The following MCTP1 variants were observed in gnomAD, a reference collection of about 807,000 sequenced individuals.
MCTP1 encodes the protein multiple C2 and transmembrane domain-containing protein 1.
MCTP1 carries 69 observed loss-of-function variants against 120.6 expected under a neutral mutation model. The observed-to-expected ratio is 0.57, with a 90% confidence interval of 0.47 to 0.70. The LOEUF (loss-of-function observed/expected upper bound fraction) is 0.70, where lower values mean the gene tolerates loss of function less well. Ranked by LOEUF, MCTP1 falls within the 30% of genes least tolerant of loss-of-function variation. The pLI, the probability that MCTP1 is intolerant of heterozygous loss-of-function variation, is 0.00. For missense variants in MCTP1, 1,203 were observed against 1,248.8 expected, an observed-to-expected ratio of 0.96 and a Z score of 0.55; for synonymous variants, 529 against 493.1, an observed-to-expected ratio of 1.07 and a Z score of -0.96.
At chr5:94,957,152 T>A (rs1822850036) in intron 2 of MCTP1, among the ~76,000 whole-genome samples, 1 of 152,214 alleles carries the variant, frequency 6.6e-6, no homozygotes, top group Non-Finnish European at 1.5e-5. Context: ...CAGAATTTCA[T>A]ATCCAGCCAA....
At chr5:94,904,077 A>G (rs1806183322) in intron 10 of MCTP1, among the ~76,000 whole-genome samples, 1 of 152,256 alleles carries the variant, frequency 6.6e-6, no homozygotes, top group Non-Finnish European at 1.5e-5. Context: ...CATGCAGATT[A>G]ACATTATTTC....
At chr5:95,169,194 A>T (rs1746867467) in intron 1 of MCTP1, among the ~76,000 whole-genome samples, 2 of 152,226 alleles carry the variant, frequency 1.3e-5, no homozygotes, top group Admixed American at 6.5e-5. Flanking sequence ...ATGCTGGATT[A>T]CATTTATTGA....
At chr5:95,202,958 A>G (rs527301059) in intron 1 of MCTP1, among the ~76,000 whole-genome samples, 2 of 152,106 alleles carry the variant, frequency 1.3e-5, no homozygotes, top group East Asian at 3.9e-4. Context: ...TGAACTCCTG[A>G]CCTCAGGTGA....
At chr5:95,201,080 C>T (rs1750956105) in intron 1 of MCTP1, among the ~76,000 whole-genome samples, 1 of 152,216 alleles carries the variant, frequency 6.6e-6, no homozygotes, top group African/African-American at 2.4e-5. Context: ...GAATTGGAAT[C>T]TCCTGCACTG....
chr5:94,944,760 A>G (rs1818531825), intron 3 of MCTP1, among the ~76,000 whole-genome samples: 1 of 152,200 alleles, frequency 6.6e-6, no homozygotes, highest in Admixed American at 6.5e-5. Flanking sequence ...AAACACTAGA[A>G]TCCATGCATT....
intron 1 of MCTP1, among the ~76,000 whole-genome samples, chr5:95,036,980 C>T (rs1841443888): frequency 1.3e-5 from 2 of 152,070 alleles, no homozygotes; most frequent in Non-Finnish European, 2.9e-5. Flanking sequence ...TTACAGAAAA[C>T]ACAGAAAGAT....
chr5:94,772,743 T>C (rs897401235), intron 19 of MCTP1, among the ~76,000 whole-genome samples: 18 of 152,316 alleles, frequency 1.2e-4, no homozygotes, highest in East Asian at 3.9e-4. Flanking sequence ...TATTCCCTTA[T>C]TGAACTACCC....
At chr5:94,769,997 G>A (rs1346297455) in intron 19 of MCTP1, among the ~76,000 whole-genome samples, 1 of 152,202 alleles carries the variant, frequency 6.6e-6, no homozygotes, top group Non-Finnish European at 1.5e-5. Context: ...CTGTTGGCAA[G>A]TTCTTAAAAT....
intron 9 of MCTP1, 64 bp downstream of exon 9, chr5:94,912,742 G>T: frequency 7.6e-7 from 1 of 1,317,472 alleles, no homozygotes; most frequent in Non-Finnish European, 1.0e-6. Flanking sequence ...ATCTCCTAAA[G>T]CAGGGCTATT....
chr5:94,955,076 G>A (rs1238957157), intron 2 of MCTP1, among the ~76,000 whole-genome samples: 3 of 152,204 alleles, frequency 2.0e-5, no homozygotes, highest in Non-Finnish European at 4.4e-5. Flanking sequence ...GTACATCTCA[G>A]TGGGACTGGT....
chr5:94,710,884 C>A lies in MCTP1; in HGVS notation c.2764G>T (p.Val922Leu). Residue 922 changes from valine to leucine, a missense_variant, in exon 21 of 23, where the codon GTA becomes TTA. Physicochemically the swap from Val to Leu is conservative, Grantham distance 32. This residue lies in a region of MCTP1 where 740 missense variants were observed against 871.1 expected (regional missense o/e 0.85). Coordinates refer to ENST00000515393, the MANE Select transcript of MCTP1 (RefSeq NM_024717.7). ...TVPFLSWLAI[V>L]ALCVFTAILY... ...ATGGCTGTGAACACACAGAGGGCTA[C>A]AATGGCCAGCCAGCTTAAGAATGGG... The A allele has an allele frequency of 6.2e-7, 1 of 1,612,996 alleles. No individual in the cohort carries two copies. Among genetic ancestry groups the A allele is most frequent in the Non-Finnish European group, 8.5e-7 (1 of 1,179,366 alleles).
At chr5:94,981,961 G>A (rs971057472) in intron 2 of MCTP1, among the ~76,000 whole-genome samples, 5 of 152,132 alleles carry the variant, frequency 3.3e-5, no homozygotes, top group Non-Finnish European at 5.9e-5. Context: ...AATGTTTTAA[G>A]GTTGCCTTGT....
chr5:94,889,794 G>T (rs895868832), intron 11 of MCTP1, among the ~76,000 whole-genome samples: 17 of 135,298 alleles, frequency 1.3e-4, no homozygotes, highest in African/African-American at 4.4e-4. Context: ...CCCTCTATGT[G>T]GATAATTGTT....
intron 1 of MCTP1, among the ~76,000 whole-genome samples, chr5:95,117,172 C>T (rs952169591): frequency 4.6e-5 from 7 of 151,896 alleles, no homozygotes; most frequent in African/African-American, 7.3e-5. Context: ...GGGTGGATCA[C>T]GAGGTCAGGA....
chr5:95,236,535 T>C (rs116247301), intron 1 of MCTP1, among the ~76,000 whole-genome samples: 6,328 of 152,266 alleles, frequency 0.042, 156 homozygotes, highest in Non-Finnish European at 0.062. Context: ...CATATGCTTA[T>C]CCCCAGGAGG....
intron 10 of MCTP1, among the ~76,000 whole-genome samples, chr5:94,897,466 C>A (rs960261716): frequency 2.0e-5 from 3 of 152,158 alleles, no homozygotes; most frequent in Non-Finnish European, 4.4e-5. Context: ...AAGCAATTCT[C>A]GTGCCTCAGC....
chr5:94,947,571 TATATATAGAG>T (rs1212230544), intron 3 of MCTP1, among the ~76,000 whole-genome samples: 9 of 50,160 alleles, frequency 1.8e-4, no homozygotes, highest in African/African-American at 2.8e-4. Flanking sequence ...TATATATATA[TATATATAGAG>T]AGAGAGAGAG....
intron 1 of MCTP1, among the ~76,000 whole-genome samples, chr5:95,039,193 C>T (rs1434865290): frequency 6.6e-6 from 1 of 152,110 alleles, no homozygotes; most frequent in Non-Finnish European, 1.5e-5. Context: ...AAATGATAGT[C>T]TAATTATAGA....
At position 95,249,979 on chromosome 5, in the gene MCTP1, G is replaced by A. The variant is rs531323082; in HGVS notation, c.720+33877C>T. Among the ~76,000 whole-genome samples, 281 of 152,226 alleles carry A rather than the reference G, an allele frequency of 1.8e-3. 2 individuals are homozygous for A. The highest frequency in any genetic ancestry group is 3.9e-3 in the Admixed American group (59 of 15,290). On this transcript the variant is annotated intron_variant, in intron 1 of 22. Coordinates refer to ENST00000515393, the MANE Select transcript of MCTP1 (RefSeq NM_024717.7). ...CAACAAGAACACATGGACACAGGGCGGGGAACATCACACACCAGGGCCTGT... is the reference window on the plus strand; with the variant it reads ...CAACAAGAACACATGGACACAGGGCAGGGAACATCACACACCAGGGCCTGT...
Sources: allele counts gnomAD v4.1 joint callset (sites outside exome capture counted in the v4.1 genomes callset), GRCh38; gene constraint gnomAD v4.1.1; regional missense constraint gnomAD v4.1.1; transcripts MANE v1.5; gene names NCBI Gene and HGNC (gene_info 2026-07-23, HGNC 2026-07-21).